Variants in CNOT10 observed in about 807,000 individuals in gnomAD.
The protein encoded by CNOT10 is CCR4-NOT transcription complex, subunit 10.
A neutral mutation model predicts 94.6 loss-of-function variants in CNOT10; 30 were observed. That is an observed-to-expected ratio of 0.32 (90% CI 0.24 to 0.43). The LOEUF (loss-of-function observed/expected upper bound fraction) is 0.43. Ranked by LOEUF, CNOT10 falls within the 20% of genes least tolerant of loss-of-function variation. The probability of loss-of-function intolerance (pLI) is 1.00; values close to 1 mark genes in which losing one functional copy is unlikely to be tolerated. For synonymous variants in CNOT10, 289 were observed against 301.6 expected, an observed-to-expected ratio of 0.96 and a Z score of 0.43; for missense variants, 759 against 877.2, an observed-to-expected ratio of 0.87 and a Z score of 1.70.
At chr3:32,757,170 ATTTTTTTTTTTT>A (rs1173513009) in intron 13 of CNOT10, among the ~76,000 whole-genome samples, 2 of 78,294 alleles carry the variant, frequency 2.6e-5, no homozygotes, top group Admixed American at 2.4e-4. Context: ...CCCTGAACTA[ATTTTTTTTTTTT>A]TTTTTTTTTT....
chr3:32,723,491 A>G (rs1469061691), intron 8 of CNOT10, among the ~76,000 whole-genome samples: 1 of 152,222 alleles, frequency 6.6e-6, no homozygotes, highest in African/African-American at 2.4e-5. Context: ...AAAAATAAAT[A>G]AAAGCAGTAA....
At chr3:32,725,841 T>A (rs150234546) in intron 9 of CNOT10, among the ~76,000 whole-genome samples, 2 of 152,216 alleles carry the variant, frequency 1.3e-5, no homozygotes, top group South Asian at 4.1e-4. Flanking sequence ...TTCATTGATT[T>A]GAAAATGAGT....
chr3:32,744,132 A>G (rs976770226), intron 13 of CNOT10, among the ~76,000 whole-genome samples: 11 of 152,200 alleles, frequency 7.2e-5, no homozygotes, highest in African/African-American at 1.4e-4. Flanking sequence ...AAAGCTCACA[A>G]TGCAGTTGGG....
chr3:32,729,503 T>C (rs564840958), intron 10 of CNOT10, among the ~76,000 whole-genome samples: 8 of 152,224 alleles, frequency 5.3e-5, no homozygotes, highest in East Asian at 3.9e-4. Flanking sequence ...ATAGGTGATA[T>C]AAGATGTTGA....
chr3:32,723,925 A>T lies in CNOT10; in HGVS notation c.863-1525A>T, dbSNP rs573889218. ...GGGACCCTGTCTCTGCAAAAAAATT[A>T]AAAAATTAGCTGGGCATGGTGGCCC... is the stretch of plus-strand genomic sequence containing the variant. On this transcript the variant is annotated intron_variant, in intron 8 of 18. Transcript: ENST00000328834. Among the ~76,000 whole-genome samples, 3 of 152,192 alleles carry T rather than the reference A, an allele frequency of 2.0e-5. No individual in the cohort carries two copies. In the South Asian group the frequency reaches 6.2e-4, roughly 32 times the overall value.
chr3:32,753,918 T>TCACACACACA (rs146449669), intron 13 of CNOT10: 1 of 1,019,482 alleles, frequency 9.8e-7, no homozygotes, highest in East Asian at 2.5e-5. Flanking sequence ...TAATTTGCTC[T>TCACACACACA]CACACACACA....
At chr3:32,728,330 T>C (rs1359633725) in intron 10 of CNOT10, among the ~76,000 whole-genome samples, 1 of 151,964 alleles carries the variant, frequency 6.6e-6, no homozygotes, top group African/African-American at 2.4e-5. Flanking sequence ...TTTCAAAAAG[T>C]CATTTGTTGG....
intron 10 of CNOT10, among the ~76,000 whole-genome samples, chr3:32,728,471 G>A (rs1425850889): frequency 1.3e-5 from 2 of 151,744 alleles, no homozygotes; most frequent in Middle Eastern, 3.2e-3. Flanking sequence ...AAAATTACTG[G>A]GTGTGGCAGT....
chr3:32,711,234 A>T (rs1004914815), intron 4 of CNOT10, among the ~76,000 whole-genome samples: 1 of 152,318 alleles, frequency 6.6e-6, no homozygotes, highest in Admixed American at 6.5e-5. Flanking sequence ...ACCCCTCTTC[A>T]GATACCAAAA....
At chr3:32,687,377 C>T (rs777353606) in intron 1 of CNOT10, among the ~76,000 whole-genome samples, 2 of 149,012 alleles carry the variant, frequency 1.3e-5, no homozygotes, top group East Asian at 4.0e-4. Flanking sequence ...CTTTGGGCAT[C>T]AAGTCATCAT....
At chr3:32,771,462 G>A (rs1343391375) in intron 18 of CNOT10, among the ~76,000 whole-genome samples, 1 of 152,072 alleles carries the variant, frequency 6.6e-6, no homozygotes, top group Non-Finnish European at 1.5e-5. Flanking sequence ...TTAGCCAGGC[G>A]TGGTGGCGCA....
intron 1 of CNOT10, among the ~76,000 whole-genome samples, chr3:32,696,074 G>C (rs1046010024): frequency 6.6e-6 from 1 of 151,466 alleles, no homozygotes; most frequent in Non-Finnish European, 1.5e-5. Flanking sequence ...CCAGCACTTT[G>C]GGAGGCCGAG....
rs181820083 is a variant in CNOT10 at position 32,746,757 on chromosome 3, T to A, written c.1595+9267T>A. 2.6e-3 allele frequency among the ~76,000 whole-genome samples: 381 copies of A among 146,664 alleles called. 3 individuals carry two copies. Among genetic ancestry groups the A allele is most frequent in the African/African-American group, 9.1e-3 (356 of 39,316 alleles). ...GAGGCTGAGGCAGGAGAATGGTGTG[T>A]ACCCAGGAGGCGGAGCTTGCAGTGA... On this transcript the variant is annotated intron_variant, in intron 13 of 18. Transcript: ENST00000328834.
chr3:32,708,998 G>A (rs1039693490), intron 4 of CNOT10, among the ~76,000 whole-genome samples, 178 bp downstream of exon 4: 2 of 152,202 alleles, frequency 1.3e-5, no homozygotes, highest in Non-Finnish European at 2.9e-5. Context: ...TTCTTTGAGT[G>A]TCCCTTCCCA....
intron 17 of CNOT10, among the ~76,000 whole-genome samples, chr3:32,768,578 C>T (rs1330908369): frequency 1.9e-5 from 2 of 103,210 alleles, no homozygotes; most frequent in Non-Finnish European, 4.8e-5. Context: ...AGCAAAACTC[C>T]GTCTCAAAAA....
chr3:32,754,947 G>T (rs1700156242), intron 13 of CNOT10, among the ~76,000 whole-genome samples: 1 of 150,796 alleles, frequency 6.6e-6, no homozygotes, highest in Non-Finnish European at 1.5e-5. Flanking sequence ...TATTCAGTTT[G>T]TTGAAAGAAA....
At position 32,759,592 on chromosome 3, in the gene CNOT10, G is replaced by A. The variant is rs1474245252; in HGVS notation, c.1709+21G>A. 5 of 1,545,814 alleles carry A rather than the reference G, an allele frequency of 3.2e-6. No homozygotes were observed. The East Asian group carries it at 1.1e-4, about 35-fold the overall frequency. On this transcript the variant is annotated intron_variant, in intron 14 of 18. Coordinates refer to ENST00000328834, the MANE Select transcript of CNOT10 (RefSeq NM_015442.3). Reference sequence around the variant, plus strand: ...CTTAAGTAAGTGTGACTTGCCCTGTGTGTCCCTGGTTTCTTTAGTTTTGAG... The same window carrying A: ...CTTAAGTAAGTGTGACTTGCCCTGTATGTCCCTGGTTTCTTTAGTTTTGAG...
chr3:32,750,738 G>T lies in CNOT10; in HGVS notation c.1596-8720G>T, dbSNP rs374901588. On this transcript the variant is annotated intron_variant, in intron 13 of 18. Coordinates refer to ENST00000328834, the MANE Select transcript of CNOT10 (RefSeq NM_015442.3). Reference sequence around the variant, plus strand: ...GGCTAATTTTTGTATTTTTAGCAGAGACTGGGTTTCACCATGTTGGTCAGG... The same window carrying T: ...GGCTAATTTTTGTATTTTTAGCAGATACTGGGTTTCACCATGTTGGTCAGG... Among the ~76,000 whole-genome samples the T allele has an allele frequency of 6.3e-4, 96 of 152,050 alleles. 2 individuals carry two copies. The South Asian group carries it at 0.02, about 32-fold the overall frequency.
chr3:32,693,905 T>C (rs904043031), intron 1 of CNOT10, among the ~76,000 whole-genome samples: 1 of 152,204 alleles, frequency 6.6e-6, no homozygotes, highest in African/African-American at 2.4e-5. Flanking sequence ...TTTATACTTG[T>C]GAATTTAAAT....
Sources: gnomAD v4.1 joint callset for allele counts (sites outside exome capture counted in the v4.1 genomes callset) on GRCh38, gnomAD v4.1.1 for gene constraint, MANE v1.5 for transcripts, NCBI Gene and HGNC (gene_info 2026-07-23, HGNC 2026-07-21) for gene names.